The following NDST3 variants were observed in gnomAD, a reference collection of about 807,000 sequenced individuals.
NDST3 encodes the protein N-deacetylase and N-sulfotransferase 3, also known as bifunctional heparan sulfate N-deacetylase/N-sulfotransferase 3.
NDST3 carries 58 observed loss-of-function variants against 96.1 expected under a neutral mutation model. The observed-to-expected ratio is 0.60, with a 90% CI of 0.49 to 0.75. The LOEUF is 0.75. Among genes scored for constraint, NDST3 ranks in the 30% least tolerant of loss-of-function variants. NDST3 has a pLI of 0.00. For synonymous variants in NDST3, 333 were observed against 359.7 expected (o/e 0.93, Z 0.84); for missense variants, 788 against 1,034.2 (o/e 0.76, Z 3.27).
chr4:118,150,884 T>C (rs1734344164), intron 6 of NDST3, among the ~76,000 whole-genome samples: 2 of 152,110 alleles, frequency 1.3e-5, no homozygotes, highest in African/African-American at 4.8e-5. Context: ...ATCCCATTAC[T>C]GGGTATATAC....
At chr4:118,075,674 C>A (rs138293174) in intron 2 of NDST3, among the ~76,000 whole-genome samples, 1 of 152,114 alleles carries the variant, frequency 6.6e-6, no homozygotes, top group Non-Finnish European at 1.5e-5. Context: ...TTTCATGTGT[C>A]TGTTGGTTGC....
chr4:118,167,406 T>C (rs1735624020), intron 6 of NDST3, among the ~76,000 whole-genome samples: 1 of 151,674 alleles, frequency 6.6e-6, no homozygotes, highest in African/African-American at 2.4e-5. Context: ...CAAAAGAAAT[T>C]AAAGAAGATA....
intron 2 of NDST3, among the ~76,000 whole-genome samples, chr4:118,086,638 A>T (rs962649409): frequency 2.0e-5 from 3 of 152,196 alleles, no homozygotes; most frequent in Non-Finnish European, 2.9e-5. Context: ...TTGGAAAATC[A>T]CAATAGAGCA....
At chr4:118,147,887 A>G (rs937115659) in intron 6 of NDST3, among the ~76,000 whole-genome samples, 2 of 152,342 alleles carry the variant, frequency 1.3e-5, no homozygotes, top group African/African-American at 2.4e-5. Context: ...AATAGACTCC[A>G]GGTATTGAGT....
intron 2 of NDST3, among the ~76,000 whole-genome samples, chr4:118,088,516 G>A (rs1226334358): frequency 2.6e-5 from 4 of 151,964 alleles, no homozygotes; most frequent in African/African-American, 7.2e-5. Flanking sequence ...CCTTCTCACA[G>A]TACCAGGATA....
intron 4 of NDST3, among the ~76,000 whole-genome samples, 167 bp downstream of exon 4, chr4:118,115,127 T>A (rs1730982212): frequency 6.6e-6 from 1 of 152,124 alleles, no homozygotes; most frequent in African/African-American, 2.4e-5. Context: ...TTGTATTGAG[T>A]GCTCACCACT....
chr4:118,073,476 T>G (rs1455239023), intron 2 of NDST3, among the ~76,000 whole-genome samples: 1 of 152,130 alleles, frequency 6.6e-6, no homozygotes, highest in Non-Finnish European at 1.5e-5. Flanking sequence ...CAGACATTTG[T>G]CCATTTCTTG....
chr4:118,145,589 A>G (rs1225092857), intron 6 of NDST3, among the ~76,000 whole-genome samples: 1 of 152,216 alleles, frequency 6.6e-6, no homozygotes, highest in Admixed American at 6.5e-5. Context: ...ACCTTACAGT[A>G]AAGTTTATGT....
At chr4:118,253,406 G>T in intron 12 of NDST3, 93 bp from the exon 13 acceptor site, 1 of 694,552 alleles carries the variant, frequency 1.4e-6, no homozygotes, top group Non-Finnish European at 2.5e-6. Context: ...TTTATGTATT[G>T]GTCACTATAT....
Position 118,255,674 on chromosome 4 carries a change from C to A in NDST3, c.2584C>A (p.Pro862Thr). 1 of 1,613,602 alleles carries A rather than the reference C, an allele frequency of 6.2e-7. No homozygotes were observed. The highest frequency in any genetic ancestry group is 2.2e-5 in the East Asian group (1 of 44,860). Residue 862 changes from proline (P) to threonine (T), a missense_variant, in exon 14 of 14, where the codon CCA becomes ACA. Physicochemically the swap from Pro to Thr is conservative, Grantham distance 38. Coordinates refer to ENST00000296499, the MANE Select transcript of NDST3 (RefSeq NM_004784.3). Reference sequence around the variant, plus strand: ...GCTGCACAAACTGGGTCAGCCTCTGCCATCCTGGCTGAGACAGGAGCTGCA... The same window carrying A: ...GCTGCACAAACTGGGTCAGCCTCTGACATCCTGGCTGAGACAGGAGCTGCA... ...KLLHKLGQPL[P>T]SWLRQELQKV... is the part of the protein sequence containing the mutation.
chr4:118,237,242 TC>T, intron 10 of NDST3, 22 bp downstream of exon 10: 1 of 1,584,534 alleles, frequency 6.3e-7, no homozygotes, highest in Non-Finnish European at 8.6e-7. Context: ...GCAAATAAAA[TC>T]CAACAGGGAG....
chr4:118,187,871 T>C (rs184788332), intron 6 of NDST3, among the ~76,000 whole-genome samples: 206 of 152,282 alleles, frequency 1.4e-3, no homozygotes, highest in African/African-American at 4.9e-3. Context: ...AAGCCAAGAC[T>C]CAAGTTCCCA....
chr4:118,166,232 G>C (rs959224970), intron 6 of NDST3, among the ~76,000 whole-genome samples: 2 of 151,660 alleles, frequency 1.3e-5, no homozygotes, highest in Non-Finnish European at 3.0e-5. Context: ...CATTACAACT[G>C]ATCACTGGAA....
intron 4 of NDST3, among the ~76,000 whole-genome samples, chr4:118,134,426 A>C (rs909810102): frequency 6.6e-6 from 1 of 152,226 alleles, no homozygotes; most frequent in Non-Finnish European, 1.5e-5. Context: ...TATTGGAAGG[A>C]AGCAAGAGAG....
chr4:118,045,093 A>C (rs530637501), intron 1 of NDST3, among the ~76,000 whole-genome samples: 1 of 152,178 alleles, frequency 6.6e-6, no homozygotes, highest in South Asian at 2.1e-4. Context: ...TTACCCATAC[A>C]TAGTCAAATT....
chr4:118,211,185 A>G (rs1020038455), intron 6 of NDST3, among the ~76,000 whole-genome samples: 2 of 152,202 alleles, frequency 1.3e-5, no homozygotes, highest in African/African-American at 4.8e-5. Context: ...GATTTAAACT[A>G]CTAAATCAAG....
rs371272753 is a variant in NDST3 at position 118,203,955 on chromosome 4, T to C, written c.1540-20536T>C. Among the ~76,000 whole-genome samples, 5 of 152,252 alleles carry C rather than the reference T, an allele frequency of 3.3e-5. No individual in the cohort carries two copies. In the East Asian group the frequency reaches 9.7e-4, roughly 29 times the overall value. On this transcript the variant is annotated intron_variant, in intron 6 of 13. Transcript: ENST00000296499. Reference sequence around the variant, plus strand: ...ACCAAAGTTTGCATCCCCTGAAATATTGCCATTTTCTACTGGTTTCTGTCT... The same window carrying C: ...ACCAAAGTTTGCATCCCCTGAAATACTGCCATTTTCTACTGGTTTCTGTCT...
In NDST3 at chr4:118,053,775, C is replaced by T; in HGVS notation, c.-136C>T. On this transcript the variant is annotated 5_prime_UTR_variant, in exon 2 of 14. Coordinates refer to ENST00000296499, the MANE Select transcript of NDST3 (RefSeq NM_004784.3). ...TTTCAGACTGTATTTTCTGTGAGTC[C>T]TGATCAAGTGATACAAATGAGCTGC... is the stretch of plus-strand genomic sequence containing the variant. 3 of 891,192 alleles carry T rather than the reference C, an allele frequency of 3.4e-6. No homozygotes were observed. The highest frequency in any genetic ancestry group is 2.6e-5 in the East Asian group (1 of 39,036). The allele number at this position is 891,192 out of a possible 1,614,324, so 55.2% of individuals were successfully genotyped here.
intron 6 of NDST3, among the ~76,000 whole-genome samples, chr4:118,180,511 T>C (rs900274440): frequency 2.6e-5 from 4 of 152,132 alleles, no homozygotes; most frequent in Admixed American, 2.6e-4. Flanking sequence ...CAGATCAACT[T>C]AGGAGACAAT....
Sources: gnomAD v4.1 joint callset for allele counts (sites outside exome capture counted in the v4.1 genomes callset) on GRCh38, gnomAD v4.1.1 for gene constraint, MANE v1.5 for transcripts, NCBI Gene and HGNC (gene_info 2026-07-23, HGNC 2026-07-21) for gene names.